CADPS2: variants seen among roughly 807,000 people sequenced by gnomAD.
CADPS2 encodes calcium-dependent secretion activator 2.
CADPS2 carries 93 observed loss-of-function variants against 172.5 expected under a neutral mutation model. That is an observed-to-expected ratio of 0.54 (90% CI 0.46 to 0.64). The LOEUF is 0.64. Among genes scored for constraint, CADPS2 ranks in the 30% least tolerant of loss-of-function variants. The probability of loss-of-function intolerance (pLI) is 0.00; values close to 1 mark genes in which losing one functional copy is unlikely to be tolerated. For missense variants in CADPS2, 1,420 were observed against 1,565.9 expected (o/e 0.91, Z 1.57); for synonymous variants, 546 against 555.2 (o/e 0.98, Z 0.23).
At chr7:122,523,500 G>T (rs555492639) in intron 8 of CADPS2, among the ~76,000 whole-genome samples, 8 of 152,042 alleles carry the variant, frequency 5.3e-5, no homozygotes, top group African/African-American at 1.9e-4. Flanking sequence ...TTTTTAAGTG[G>T]TTCATGATCA....
intron 2 of CADPS2, among the ~76,000 whole-genome samples, chr7:122,670,497 G>A (rs1011000066): frequency 6.6e-6 from 1 of 151,814 alleles, no homozygotes; most frequent in African/African-American, 2.4e-5. Flanking sequence ...CTTGAGCCCA[G>A]GAGTTCTTTT....
chr7:122,421,720 AAAG>A (rs2048551788), intron 17 of CADPS2, among the ~76,000 whole-genome samples: 1 of 152,246 alleles, frequency 6.6e-6, no homozygotes, highest in South Asian at 2.1e-4. Flanking sequence ...TGGTCAACAT[AAAG>A]AAGATCTGTT....
chr7:122,427,878 T>G (rs772149763), intron 17 of CADPS2, among the ~76,000 whole-genome samples: 2 of 152,238 alleles, frequency 1.3e-5, no homozygotes, highest in African/African-American at 2.4e-5. Flanking sequence ...ATATCTTATA[T>G]TATTAAGTCA....
chr7:122,727,769 A>G lies in CADPS2; in HGVS notation c.453+9186T>C, dbSNP rs1451782968. 3.9e-5 allele frequency among the ~76,000 whole-genome samples: 6 copies of G among 152,092 alleles called. No homozygotes were observed. In the East Asian group the frequency reaches 1.2e-3, roughly 30 times the overall value. On this transcript the variant is annotated intron_variant, in intron 2 of 29. Coordinates refer to ENST00000449022, the MANE Select transcript of CADPS2 (RefSeq NM_017954.11). ...AGAAACCCAGATATTGTATACAACA[A>G]TAGGAATCTCAGACATGAAAACACA... is the stretch of plus-strand genomic sequence containing the variant.
intron 3 of CADPS2, among the ~76,000 whole-genome samples, chr7:122,638,791 G>T (rs1463688221): frequency 6.6e-6 from 1 of 152,156 alleles, no homozygotes; most frequent in Non-Finnish European, 1.5e-5. Flanking sequence ...GCTGGTCCCA[G>T]GCAGGCAGCT....
chr7:122,385,767 C>T lies in CADPS2; in HGVS notation c.3312+1259G>A, dbSNP rs532788289. Reference sequence around the variant, plus strand: ...ATGAGTGGGAGGAAAGACTGTATCACTGGTGGGCTTGTACCTCACTGAAAT... The same window carrying T: ...ATGAGTGGGAGGAAAGACTGTATCATTGGTGGGCTTGTACCTCACTGAAAT... On this transcript the variant is annotated intron_variant, in intron 24 of 29. Coordinates refer to ENST00000449022, the MANE Select transcript of CADPS2 (RefSeq NM_017954.11). Among the ~76,000 whole-genome samples the T allele has an allele frequency of 1.1e-4, 17 of 152,150 alleles. No individual in the cohort carries two copies. In the South Asian group the frequency reaches 3.5e-3, roughly 32 times the overall value.
intron 1 of CADPS2, among the ~76,000 whole-genome samples, chr7:122,759,100 AC>A (rs1271363804): frequency 6.6e-6 from 1 of 152,158 alleles, no homozygotes; most frequent in Non-Finnish European, 1.5e-5. Context: ...GTTGAGTAAG[AC>A]AAAAAATTTT....
chr7:122,570,514 C>T (rs576334443), intron 7 of CADPS2, among the ~76,000 whole-genome samples: 30 of 147,702 alleles, frequency 2.0e-4, no homozygotes, highest in African/African-American at 7.4e-4. Flanking sequence ...ACCATTTGAC[C>T]CAGCCATCCC....
rs530328706 is a variant in CADPS2 at position 122,399,251 on chromosome 7, A to G, written c.2747-5669T>C. Among the ~76,000 whole-genome samples the G allele has an allele frequency of 3.9e-5, 6 of 152,300 alleles. No homozygotes were observed. In the East Asian group the frequency reaches 9.6e-4, roughly 24 times the overall value. ...ACATAATTTGAGTTATACTTCTACA[A>G]TCTACTGCATCAAGTTATTTGTGTA... On this transcript the variant is annotated intron_variant, in intron 20 of 29. Transcript: ENST00000449022.
chr7:122,702,909 A>G (rs2086398051), intron 2 of CADPS2: 3 of 576,962 alleles, frequency 5.2e-6, no homozygotes, highest in Non-Finnish European at 3.1e-6. Flanking sequence ...CAGTATTTTA[A>G]TATTTAGTAG....
intron 24 of CADPS2, chr7:122,386,320 C>A: frequency 7.0e-7 from 1 of 1,420,798 alleles, no homozygotes; most frequent in Non-Finnish European, 9.3e-7. Flanking sequence ...CTGGATCATG[C>A]CATGGGTGGA....
chr7:122,511,468 C>CA (rs1174613268), intron 9 of CADPS2, among the ~76,000 whole-genome samples: 2 of 151,964 alleles, frequency 1.3e-5, no homozygotes, highest in Non-Finnish European at 2.9e-5. Flanking sequence ...CTTTCATATT[C>CA]AAAAAATCAG....
intron 9 of CADPS2, among the ~76,000 whole-genome samples, chr7:122,510,357 T>C (rs1279289603): frequency 2.6e-5 from 4 of 152,188 alleles, no homozygotes; most frequent in Non-Finnish European, 5.9e-5. Context: ...AAAATGATCT[T>C]ACTTGGAAGC....
At chr7:122,342,253 G>A (rs1284107539) in intron 28 of CADPS2, among the ~76,000 whole-genome samples, 1 of 152,204 alleles carries the variant, frequency 6.6e-6, no homozygotes, top group African/African-American at 2.4e-5. Flanking sequence ...GTAAATGGCT[G>A]TGTAGGTTGT....
intron 1 of CADPS2, among the ~76,000 whole-genome samples, chr7:122,768,698 A>G (rs1319389049): frequency 6.6e-6 from 1 of 152,224 alleles, no homozygotes; most frequent in Non-Finnish European, 1.5e-5. Context: ...GTGGATAATT[A>G]GATAAGTAAT....
At chr7:122,424,304 C>T in intron 17 of CADPS2, 2 of 980,198 alleles carry the variant, frequency 2.0e-6, no homozygotes, top group Non-Finnish European at 2.4e-6. Flanking sequence ...GTTCTGTCAT[C>T]ACAGTCACAT....
At chr7:122,679,122 C>T (rs2082700702) in intron 2 of CADPS2, among the ~76,000 whole-genome samples, 1 of 149,202 alleles carries the variant, frequency 6.7e-6, no homozygotes, top group Non-Finnish European at 1.5e-5. Context: ...AGGGAGATAA[C>T]CTTAAAGTCT....
intron 28 of CADPS2, among the ~76,000 whole-genome samples, chr7:122,327,757 A>G (rs536552119): frequency 2.6e-5 from 4 of 152,134 alleles, no homozygotes; most frequent in African/African-American, 9.6e-5. Flanking sequence ...ATAATTTTAG[A>G]GAAAAATAAT....
intron 3 of CADPS2, among the ~76,000 whole-genome samples, chr7:122,630,077 T>C (rs2076430975): frequency 1.3e-5 from 2 of 152,172 alleles, no homozygotes; most frequent in Admixed American, 6.6e-5. Context: ...TTTATAAAAA[T>C]GTTAAAGTGA....
Sources: allele counts gnomAD v4.1 joint callset (sites outside exome capture counted in the v4.1 genomes callset), GRCh38; gene constraint gnomAD v4.1.1; transcripts MANE v1.5; gene names NCBI Gene and HGNC (gene_info 2026-07-23, HGNC 2026-07-21).